Variants in BDH1 observed in about 807,000 individuals in gnomAD.
BDH1 encodes 3-hydroxybutyrate dehydrogenase 1, also known as D-beta-hydroxybutyrate dehydrogenase, mitochondrial.
Under a neutral mutation model 33.1 loss-of-function variants are expected in BDH1, and 30 were observed. The observed-to-expected ratio is 0.91, with a 90% CI of 0.68 to 1.23. The LOEUF is 1.23. Among genes scored for constraint, BDH1 ranks in the 50% most tolerant of loss-of-function variants. The pLI is 0.00. For synonymous variants in BDH1, 190 were observed against 183.6 expected (o/e 1.03, Z -0.28); for missense variants, 443 against 464.4 (o/e 0.95, Z 0.42).
intron 5 of BDH1, among the ~76,000 whole-genome samples, chr3:197,524,716 G>A (rs148318513): frequency 2.7e-5 from 4 of 148,918 alleles, no homozygotes; most frequent in African/African-American, 7.5e-5. Context: ...GGGGTGGGGG[G>A]TTGTTTGGAG....
intron 2 of BDH1, among the ~76,000 whole-genome samples, chr3:197,549,954 T>C (rs1366455988): frequency 6.7e-6 from 1 of 148,816 alleles, no homozygotes; most frequent in Non-Finnish European, 1.5e-5. Context: ...TATCTATATA[T>C]GCACTATAAT....
Position 197,522,633 on chromosome 3 carries a change from G to A in BDH1, c.409+7C>T, listed in dbSNP as rs572660936. The stretch of plus-strand genomic sequence containing the variant: ...CACAACCCCTGCCGTCCGAAGGGGC[G>A]CCCTACCTTTCTCAGGGTCCTTCAG... On this transcript the variant is annotated splice_region_variant and intron_variant, in intron 6 of 7. Coordinates refer to ENST00000392379, the MANE Select transcript of BDH1 (RefSeq NM_203314.3). The surrounding 1 kb of genome is among the most constrained non-coding windows in gnomAD (Gnocchi z 4.8). 3.4e-5 allele frequency: 55 copies of A among 1,613,986 alleles called. 1 individual carries two copies. The highest frequency in any genetic ancestry group is 2.0e-4 in the Admixed American group (12 of 60,018).
intron 3 of BDH1, among the ~76,000 whole-genome samples, chr3:197,539,528 A>G (rs902272849): frequency 1.3e-5 from 2 of 152,240 alleles, no homozygotes; most frequent in African/African-American, 4.8e-5. Flanking sequence ...TTGTAGGACT[A>G]ACAAATTAGG....
At chr3:197,571,517 G>A (rs761738597) in intron 1 of BDH1, among the ~76,000 whole-genome samples, 2 of 152,162 alleles carry the variant, frequency 1.3e-5, no homozygotes, top group East Asian at 1.9e-4. Flanking sequence ...GGTTCCCCCC[G>A]TAGTTTTCAC....
At chr3:197,553,401 C>T (rs185739161) in intron 2 of BDH1, among the ~76,000 whole-genome samples, 24 of 150,946 alleles carry the variant, frequency 1.6e-4, no homozygotes, top group Non-Finnish European at 3.2e-4. Flanking sequence ...TGGTCGCTCG[C>T]GCCTGTAGTC....
In BDH1 at chr3:197,521,954, C is replaced by T. The variant is rs1579896894; in HGVS notation, c.409+686G>A. Among the ~76,000 whole-genome samples, 1 of 152,144 alleles carries T rather than the reference C, an allele frequency of 6.6e-6. No individual in the cohort carries two copies. Among genetic ancestry groups the T allele is most frequent in the Non-Finnish European group, 1.5e-5 (1 of 68,032 alleles). ...TGGCTCCCCAGTGCCATTGGGAGAC[C>T]AGCCATGTTCCCTCGCCTGGGATCC... is the stretch of plus-strand genomic sequence containing the variant. On this transcript the variant is annotated intron_variant, in intron 6 of 7. Coordinates refer to ENST00000392379, the MANE Select transcript of BDH1 (RefSeq NM_203314.3). The surrounding 1 kb of genome is among the most constrained non-coding windows in gnomAD (Gnocchi z 4.9).
intron 5 of BDH1, chr3:197,529,101 C>A (rs1057405816): frequency 3.3e-5 from 5 of 152,206 alleles, no homozygotes; most frequent in African/African-American, 1.2e-4. Flanking sequence ...TCCCCAGAAC[C>A]CTCCCCAGAC....
intron 5 of BDH1, among the ~76,000 whole-genome samples, chr3:197,527,845 CT>C (rs1714253837): frequency 6.6e-6 from 1 of 152,092 alleles, no homozygotes; most frequent in Non-Finnish European, 1.5e-5. Flanking sequence ...TTCTGTGACA[CT>C]CCCTCCCGCA....
At chr3:197,547,602 C>A (rs913104587) in intron 2 of BDH1, among the ~76,000 whole-genome samples, 1 of 152,268 alleles carries the variant, frequency 6.6e-6, no homozygotes, top group Non-Finnish European at 1.5e-5. Context: ...GCTTGTACTC[C>A]TGCCCCTATT....
chr3:197,570,734 G>T (rs559209743), intron 1 of BDH1, among the ~76,000 whole-genome samples: 2 of 152,348 alleles, frequency 1.3e-5, no homozygotes, highest in Admixed American at 1.3e-4. Flanking sequence ...AATAACTGGA[G>T]GTCCAGGCAG....
intron 2 of BDH1, among the ~76,000 whole-genome samples, chr3:197,549,291 C>T (rs767442877): frequency 2.6e-5 from 4 of 152,128 alleles, no homozygotes; most frequent in Non-Finnish European, 5.9e-5. Context: ...ACACTTGGGG[C>T]TTCTCTCAAG....
intron 3 of BDH1, among the ~76,000 whole-genome samples, chr3:197,534,999 G>A (rs925835622): frequency 2.6e-5 from 4 of 152,100 alleles, no homozygotes; most frequent in Non-Finnish European, 5.9e-5. Flanking sequence ...GTTTGGTGAG[G>A]GCCCACTTTC....
At chr3:197,543,025 G>A in intron 3 of BDH1, 1 of 985,418 alleles carries the variant, frequency 1.0e-6, no homozygotes. Context: ...CGCTCCCTAT[G>A]CTGGCCAGGG....
At chr3:197,527,414 ATGGACCTTCC>A (rs1714203610) in intron 5 of BDH1, among the ~76,000 whole-genome samples, 1 of 152,204 alleles carries the variant, frequency 6.6e-6, no homozygotes, top group African/African-American at 2.4e-5. Context: ...AGAGGCACTC[ATGGACCTTCC>A]TGGTCTGGTC....
intron 6 of BDH1, among the ~76,000 whole-genome samples, chr3:197,519,848 C>T (rs974245970): frequency 2.4e-4 from 37 of 151,962 alleles, no homozygotes; most frequent in African/African-American, 8.2e-4. Context: ...GGGTCGGGGC[C>T]GGTGGCAGAT....
At chr3:197,515,485 C>T (rs1712602191) in intron 6 of BDH1, 2 of 985,686 alleles carry the variant, frequency 2.0e-6, no homozygotes, top group Non-Finnish European at 2.4e-6. Context: ...GCAGGCCACT[C>T]CCCACCCGTC....
intron 3 of BDH1, chr3:197,543,205 C>T (rs1302223181): frequency 2.0e-6 from 2 of 984,104 alleles, no homozygotes; most frequent in Non-Finnish European, 2.4e-6. Flanking sequence ...ATCAGTGGCA[C>T]AGGTGCAGCT....
rs1489641416 is a variant in BDH1, at chr3:197,542,750, G to A, written c.83+3611C>T. Among the ~76,000 whole-genome samples, 4 of 151,844 alleles carry A rather than the reference G, an allele frequency of 2.6e-5. 1 individual carries two copies. The highest frequency in any genetic ancestry group is 4.2e-4 in the South Asian group (2 of 4,804). On this transcript the variant is annotated intron_variant, in intron 3 of 7. Transcript: ENST00000392379. ...TTGGACAGGTTGGTCTCAAACTCCC[G>A]ACCTCAGGTGATCCGCCCGCCTCAG...
In BDH1 at chr3:197,546,345, A is replaced by G. The variant is rs1237618476; in HGVS notation, c.83+16T>C. ...AAAGTGTCCCCTCAAGGCCACCACC[A>G]CCTCTGGTTGCTTACCTTGCTCCAT... On this transcript the variant is annotated intron_variant, in intron 3 of 7. Transcript: ENST00000392379. 6.2e-7 allele frequency: 1 copy of G among 1,613,396 alleles called. No homozygotes were observed. The highest frequency in any genetic ancestry group is 1.7e-5 in the Admixed American group (1 of 59,962).
Sources: allele counts gnomAD v4.1 joint callset (sites outside exome capture counted in the v4.1 genomes callset), GRCh38; gene constraint gnomAD v4.1.1; non-coding constraint Gnocchi (gnomAD v3.1); transcripts MANE v1.5; gene names NCBI Gene and HGNC (gene_info 2026-07-23, HGNC 2026-07-21).